The following TTC6 variants were observed in gnomAD, a reference collection of about 807,000 sequenced individuals.
TTC6 encodes tetratricopeptide repeat domain 6.
A neutral mutation model predicts 210.4 loss-of-function variants in TTC6; 172 were observed. The observed-to-expected ratio is 0.82, with a 90% CI of 0.72 to 0.93. TTC6 has a LOEUF of 0.93. Among genes scored for constraint, TTC6 ranks in the 40% least tolerant of loss-of-function variants. The pLI is 0.00. For missense variants in TTC6, 2,414 were observed against 2,318.1 expected, an observed-to-expected ratio of 1.04 and a Z score of -0.85; for synonymous variants, 804 against 819.6, an observed-to-expected ratio of 0.98 and a Z score of 0.32.
At chr14:37,771,390 G>A (rs1431124288) in intron 14 of TTC6, among the ~76,000 whole-genome samples, 1 of 152,106 alleles carries the variant, frequency 6.6e-6, no homozygotes. Context: ...ATAATATCCT[G>A]CAGAGTGTTT....
rs79877629 is a variant in TTC6, at chr14:37,793,179, C to A, written c.3708+765C>A. Among the ~76,000 whole-genome samples the A allele has an allele frequency of 1.9e-3, 288 of 152,242 alleles. 1 individual carries two copies. The highest frequency in any genetic ancestry group is 7.9e-3 in the East Asian group (41 of 5,160). On this transcript the variant is annotated intron_variant, in intron 17 of 30. Coordinates refer to ENST00000553443, the Ensembl canonical transcript of TTC6. ...CAAAACATGTCAGATTATTTCACTT[C>A]TTTGCTCAAGCCCTTCAATAGCTTC...
intron 14 of TTC6, among the ~76,000 whole-genome samples, chr14:37,779,313 G>T (rs1037106055): frequency 6.6e-6 from 1 of 152,134 alleles, no homozygotes; most frequent in Non-Finnish European, 1.5e-5. Context: ...TCTGATGTCC[G>T]TGTCCCTCAG....
intron 14 of TTC6, among the ~76,000 whole-genome samples, chr14:37,768,028 G>A (rs2096004889): frequency 6.6e-6 from 1 of 150,582 alleles, no homozygotes; most frequent in African/African-American, 2.4e-5. Flanking sequence ...TGGCCAGCCA[G>A]TTTTCCCAGC....
At chr14:37,839,797 T>C (rs2096205971) in intron 29 of TTC6, among the ~76,000 whole-genome samples, 2 of 152,214 alleles carry the variant, frequency 1.3e-5, no homozygotes, top group African/African-American at 4.8e-5. Context: ...CATTTAAGTC[T>C]TTAATCCATC....
intron 12 of TTC6, among the ~76,000 whole-genome samples, chr14:37,750,582 G>A (rs886525905): frequency 4.6e-5 from 7 of 152,172 alleles, no homozygotes; most frequent in South Asian, 2.1e-4. Context: ...TGGCATTGTC[G>A]AAATCAAAAT....
chr14:37,806,425 G>A (rs1040536625), exon 22 of TTC6: 46 of 1,535,504 alleles, frequency 3.0e-5, no homozygotes, highest in Non-Finnish European at 3.8e-5. Flanking sequence ...TTTTATCAGC[G>A]AGGGCTTTGT....
chr14:37,764,810 G>T (rs2095993870), intron 14 of TTC6, among the ~76,000 whole-genome samples: 2 of 151,588 alleles, frequency 1.3e-5, no homozygotes, highest in South Asian at 4.2e-4. Flanking sequence ...CTGCCATTTT[G>T]CTATTTGTTT....
At chr14:37,654,408 G>C (rs2095718201) in intron 1 of TTC6, among the ~76,000 whole-genome samples, 1 of 152,020 alleles carries the variant, frequency 6.6e-6, no homozygotes, top group South Asian at 2.1e-4. Flanking sequence ...TTAAAAGTAT[G>C]TAGCACCCAC....
chr14:37,815,474 G>T (rs2096139268), intron 25 of TTC6, among the ~76,000 whole-genome samples: 1 of 152,168 alleles, frequency 6.6e-6, no homozygotes, highest in African/African-American at 2.4e-5. Context: ...GCACTCCTAT[G>T]AGAATCCAGT....
At chr14:37,793,257 C>A (rs189523046) in intron 17 of TTC6, among the ~76,000 whole-genome samples, 76 of 152,304 alleles carry the variant, frequency 5.0e-4, no homozygotes, top group African/African-American at 1.8e-3. Context: ...GTCTGCAAGA[C>A]CCCACAGGAG....
chr14:37,767,046 G>A (rs955415646), intron 14 of TTC6, among the ~76,000 whole-genome samples: 19 of 152,110 alleles, frequency 1.2e-4, no homozygotes, highest in African/African-American at 3.1e-4. Flanking sequence ...GAGAATATGC[G>A]GTGTTTGGTT....
At chr14:37,782,853 G>T (rs2096058553) in intron 14 of TTC6, among the ~76,000 whole-genome samples, 1 of 152,020 alleles carries the variant, frequency 6.6e-6, no homozygotes, top group African/African-American at 2.4e-5. Flanking sequence ...GTTGAATTTT[G>T]TCAAAGGCCT....
intron 7 of TTC6, among the ~76,000 whole-genome samples, chr14:37,732,173 C>CTTT (rs61444309): frequency 1.7e-5 from 1 of 57,588 alleles, no homozygotes; most frequent in African/African-American, 7.0e-5. Flanking sequence ...GTACTGTATT[C>CTTT]TTTTTTTTTT....
At chr14:37,757,246 TTTAA>T (rs534459465) in intron 14 of TTC6, among the ~76,000 whole-genome samples, 12 of 151,790 alleles carry the variant, frequency 7.9e-5, no homozygotes, top group South Asian at 2.1e-4. Flanking sequence ...TCTTCTTTAT[TTTAA>T]TTAATTAATT....
intron 27 of TTC6, among the ~76,000 whole-genome samples, chr14:37,824,897 A>C (rs1234610832): frequency 1.3e-5 from 2 of 152,158 alleles, no homozygotes; most frequent in African/African-American, 4.8e-5. Flanking sequence ...GCAGGGCATG[A>C]GATGAGGCTG....
At chr14:37,820,905 TCTC>T (rs1222920521) in intron 26 of TTC6, among the ~76,000 whole-genome samples, 1 of 146,248 alleles carries the variant, frequency 6.8e-6, no homozygotes, top group African/African-American at 2.6e-5. Flanking sequence ...TTCTCCTCCT[TCTC>T]CTCCTCCTTC....
chr14:37,702,059 A>G (rs2095826488), intron 5 of TTC6, among the ~76,000 whole-genome samples: 1 of 152,150 alleles, frequency 6.6e-6, no homozygotes, highest in South Asian at 2.1e-4. Flanking sequence ...AGCATCCTCA[A>G]AAGAAAGGAG....
At chr14:37,816,090 A>G (rs1034806469) in intron 25 of TTC6, among the ~76,000 whole-genome samples, 2 of 151,256 alleles carry the variant, frequency 1.3e-5, no homozygotes, top group South Asian at 2.1e-4. Context: ...AGATGTCTGG[A>G]AGCATTTTAT....
At chr14:37,842,124 T>G (rs1440985187) in intron 30 of TTC6, 31 bp from the exon 33 acceptor site, 1 of 1,480,170 alleles carries the variant, frequency 6.8e-7, no homozygotes, top group Non-Finnish European at 8.9e-7. Context: ...AGTGCCAACT[T>G]AAATATATCT....
Sources: allele counts gnomAD v4.1 joint callset (sites outside exome capture counted in the v4.1 genomes callset), GRCh38; gene constraint gnomAD v4.1.1; transcripts MANE v1.5; gene names NCBI Gene and HGNC (gene_info 2026-07-23, HGNC 2026-07-21).